The following KIAA1328 variants were observed in gnomAD, a reference collection of about 807,000 sequenced individuals.
The protein encoded by KIAA1328 is KIAA1328.
Under a neutral mutation model 68.1 loss-of-function variants are expected in KIAA1328, and 52 were observed. The ratio of observed to expected loss-of-function variants is 0.76; its 90% confidence interval spans 0.61 to 0.96. The LOEUF (loss-of-function observed/expected upper bound fraction) is 0.96. Among genes scored for constraint, KIAA1328 ranks in the 40% least tolerant of loss-of-function variants. The pLI, the probability that KIAA1328 is intolerant of heterozygous loss-of-function variation, is 0.00. For synonymous variants in KIAA1328, 232 were observed against 239.4 expected, an observed-to-expected ratio of 0.97 and a Z score of 0.28; for missense variants, 641 against 677.6, an observed-to-expected ratio of 0.95 and a Z score of 0.60.
chr18:36,871,406 C>A (rs961934639), intron 4 of KIAA1328, among the ~76,000 whole-genome samples: 1 of 152,072 alleles, frequency 6.6e-6, no homozygotes, highest in Non-Finnish European at 1.5e-5. Context: ...TGCCTTTTTG[C>A]TGATGATGTT....
intron 5 of KIAA1328, among the ~76,000 whole-genome samples, chr18:36,925,500 T>C (rs925504392): frequency 6.6e-6 from 1 of 152,172 alleles, no homozygotes; most frequent in African/African-American, 2.4e-5. Flanking sequence ...TTGAAACTAA[T>C]TACATTAGTT....
chr18:36,841,467 AATG>A (rs1221166494), intron 3 of KIAA1328, among the ~76,000 whole-genome samples: 7 of 151,846 alleles, frequency 4.6e-5, no homozygotes, highest in Non-Finnish European at 8.8e-5. Context: ...TTTGAATTGC[AATG>A]ATACCATTGT....
intron 8 of KIAA1328, among the ~76,000 whole-genome samples, chr18:37,165,839 C>T (rs987253164): frequency 7.9e-5 from 12 of 151,932 alleles, no homozygotes; most frequent in South Asian, 4.2e-4. Context: ...GTAGGCACCG[C>T]GCCAGGGCAG....
At chr18:37,136,749 G>T (rs963713222) in intron 7 of KIAA1328, among the ~76,000 whole-genome samples, 3 of 152,126 alleles carry the variant, frequency 2.0e-5, no homozygotes, top group African/African-American at 7.2e-5. Context: ...TGACATTTTT[G>T]TCTTCCCATA....
At position 37,067,197 on chromosome 18, in the gene KIAA1328, G is replaced by A; in HGVS notation, c.884G>A (p.Cys295Tyr). 1 of 1,613,964 alleles carries A rather than the reference G, an allele frequency of 6.2e-7. No homozygotes were observed. The highest frequency in any genetic ancestry group is 8.5e-7 in the Non-Finnish European group (1 of 1,179,868). The change falls in exon 7 of 10, where the codon TGT (cysteine) becomes TAT (tyrosine). Residue 295 changes from cysteine (C) to tyrosine (Y), a missense_variant. Physicochemically the swap from Cys to Tyr is radical, Grantham distance 194. Coordinates refer to ENST00000280020, the MANE Select transcript of KIAA1328 (RefSeq NM_020776.3). ...MPQEELHMKE[C>Y]PHLKPTPSQC... ...CAAGAAGAATTGCACATGAAGGAATGTCCACATCTTAAGCCTACTCCTAGT... is the reference window on the plus strand; with the variant it reads ...CAAGAAGAATTGCACATGAAGGAATATCCACATCTTAAGCCTACTCCTAGT...
chr18:37,031,516 G>A (rs1471902562), intron 6 of KIAA1328, among the ~76,000 whole-genome samples: 1 of 152,000 alleles, frequency 6.6e-6, no homozygotes, highest in Non-Finnish European at 1.5e-5. Context: ...TGTGGAATAT[G>A]TCCTTTTCAG....
At chr18:37,120,756 A>G (rs779908497) in intron 7 of KIAA1328, among the ~76,000 whole-genome samples, 1 of 152,172 alleles carries the variant, frequency 6.6e-6, no homozygotes, top group Non-Finnish European at 1.5e-5. Context: ...TCTTTGAATC[A>G]TAAGTGGTTT....
chr18:36,878,507 C>T (rs1024784584), intron 4 of KIAA1328, among the ~76,000 whole-genome samples: 7 of 152,064 alleles, frequency 4.6e-5, no homozygotes, highest in Non-Finnish European at 5.9e-5. Flanking sequence ...TTACTCTTCT[C>T]GAGGAATATC....
At position 37,082,665 on chromosome 18, in the gene KIAA1328, C is replaced by T. The variant is rs1232551128; in HGVS notation, c.1232+15120C>T. 2.6e-5 allele frequency among the ~76,000 whole-genome samples: 4 copies of T among 152,286 alleles called. No individual in the cohort carries two copies. In the South Asian group the frequency reaches 8.3e-4, roughly 32 times the overall value. ...TCATTTTAGAATAAATTTGGCATGA[C>T]ATTGGCATTTACTTAAATTGTAATT... On this transcript the variant is annotated intron_variant, in intron 7 of 9. Coordinates refer to ENST00000280020, the MANE Select transcript of KIAA1328 (RefSeq NM_020776.3).
chr18:37,029,824 C>T (rs755761425), intron 6 of KIAA1328, among the ~76,000 whole-genome samples: 3 of 152,106 alleles, frequency 2.0e-5, no homozygotes, highest in African/African-American at 7.2e-5. Context: ...TGATATTCAC[C>T]ACTGAAGCCA....
At chr18:37,096,761 C>T (rs2057421589) in intron 7 of KIAA1328, among the ~76,000 whole-genome samples, 2 of 152,172 alleles carry the variant, frequency 1.3e-5, no homozygotes, top group South Asian at 4.1e-4. Context: ...TTAATGATTG[C>T]CATTCTAACT....
chr18:36,897,139 A>G (rs2048891589), intron 5 of KIAA1328, among the ~76,000 whole-genome samples: 1 of 152,096 alleles, frequency 6.6e-6, no homozygotes, highest in Non-Finnish European at 1.5e-5. Context: ...GTATCTTCCT[A>G]TGGAAGATGG....
intron 6 of KIAA1328, among the ~76,000 whole-genome samples, chr18:36,977,214 C>A (rs780674103): frequency 6.6e-6 from 1 of 152,192 alleles, no homozygotes; most frequent in Non-Finnish European, 1.5e-5. Flanking sequence ...GTTCTTCATT[C>A]TTTCACTGTG....
intron 4 of KIAA1328, among the ~76,000 whole-genome samples, chr18:36,854,848 G>T (rs1429205049): frequency 6.6e-6 from 1 of 151,784 alleles, no homozygotes; most frequent in Non-Finnish European, 1.5e-5. Flanking sequence ...TCAGCCCCTG[G>T]TACCCCAGTT....
chr18:36,996,901 G>C (rs182609768), intron 6 of KIAA1328, among the ~76,000 whole-genome samples: 1 of 152,142 alleles, frequency 6.6e-6, no homozygotes, highest in Admixed American at 6.5e-5. Flanking sequence ...AGAAGTAAAC[G>C]TTTAGATCTG....
chr18:37,142,216 G>T (rs2058781230), intron 7 of KIAA1328, among the ~76,000 whole-genome samples: 1 of 151,866 alleles, frequency 6.6e-6, no homozygotes, highest in Admixed American at 6.6e-5. Context: ...TTTGGGGATG[G>T]AGTCTCGCTC....
At position 37,222,127 on chromosome 18, in the gene KIAA1328, G is replaced by T; in HGVS notation, c.1634G>T (p.Arg545Leu). Residue 545 changes from arginine to leucine, a missense_variant, in exon 10 of 10, where the codon CGA (arginine) becomes CTA (leucine). Arg to Leu is a moderately radical substitution (Grantham distance 102, BLOSUM62 -2). Coordinates refer to ENST00000280020, the MANE Select transcript of KIAA1328 (RefSeq NM_020776.3). ...GGGGCCTGGAATCATGGTACTTTCC[G>T]ACTCAGTCCTCTAAAATCAACCCGG... is the stretch of plus-strand genomic sequence containing the variant. ...EAGAWNHGTF[R>L]LSPLKSTRKK... 1 of 1,612,314 alleles carries T rather than the reference G, an allele frequency of 6.2e-7. No homozygotes were observed. The highest frequency in any genetic ancestry group is 8.5e-7 in the Non-Finnish European group (1 of 1,179,236).
At chr18:37,178,246 C>T (rs1217870992) in intron 9 of KIAA1328, among the ~76,000 whole-genome samples, 1 of 152,124 alleles carries the variant, frequency 6.6e-6, no homozygotes, top group African/African-American at 2.4e-5. Context: ...CACTATCATA[C>T]TCACTGCTTC....
intron 7 of KIAA1328, among the ~76,000 whole-genome samples, chr18:37,112,176 G>C (rs540470148): frequency 6.6e-6 from 1 of 152,188 alleles, no homozygotes. Flanking sequence ...GAGAGTAGCA[G>C]TTCTCCCAGC....
Sources: gnomAD v4.1 joint callset for allele counts (sites outside exome capture counted in the v4.1 genomes callset) on GRCh38, gnomAD v4.1.1 for gene constraint, MANE v1.5 for transcripts, NCBI Gene and HGNC (gene_info 2026-07-23, HGNC 2026-07-21) for gene names.